SULF2: variants seen among roughly 807,000 people sequenced by gnomAD.
SULF2 encodes sulfatase 2, also known as extracellular sulfatase Sulf-2.
A neutral mutation model predicts 107.7 loss-of-function variants in SULF2; 52 were observed. That is an observed-to-expected ratio of 0.48 (90% confidence interval 0.39 to 0.61). The LOEUF (loss-of-function observed/expected upper bound fraction) is 0.61, where lower values mean the gene tolerates loss of function less well. Ranked by LOEUF, SULF2 falls within the 20% of genes least tolerant of loss-of-function variation. The pLI is 0.00. For synonymous variants in SULF2, 460 were observed against 464.3 expected, an observed-to-expected ratio of 0.99 and a Z score of 0.12; for missense variants, 993 against 1,177.3, an observed-to-expected ratio of 0.84 and a Z score of 2.29.
At chr20:47,705,867 C>T (rs570593376) in intron 3 of SULF2, among the ~76,000 whole-genome samples, 12 of 148,828 alleles carry the variant, frequency 8.1e-5, no homozygotes, top group East Asian at 4.0e-4. Context: ...GGCGTGATGT[C>T]GCCTCACAGC....
intron 1 of SULF2, among the ~76,000 whole-genome samples, chr20:47,777,535 T>C (rs1273611820): frequency 2.0e-5 from 3 of 152,214 alleles, no homozygotes; most frequent in African/African-American, 7.2e-5. Context: ...AACCAGCGCC[T>C]GGACTCCCCT....
intron 5 of SULF2, chr20:47,689,533 C>G (rs1334714954): frequency 6.6e-6 from 1 of 152,276 alleles, no homozygotes; most frequent in Admixed American, 6.5e-5. Context: ...ATTGCAACCT[C>G]AGGAGACCCT....
intron 5 of SULF2, 52 bp from the exon 6 acceptor site, chr20:47,684,633 T>C: frequency 1.3e-6 from 2 of 1,582,976 alleles, no homozygotes; most frequent in Non-Finnish European, 1.7e-6. Flanking sequence ...GCCTGGACCC[T>C]GCCTGGCCCC....
At chr20:47,786,237 G>A (rs1342046870), upstream of SULF2, 1 of 152,228 alleles carries the variant, frequency 6.6e-6, no homozygotes, top group East Asian at 1.9e-4. Context: ...CCATCGATCA[G>A]GTCCACTTGG....
chr20:47,667,074 G>C (rs1413097080), intron 11 of SULF2, among the ~76,000 whole-genome samples: 1 of 152,194 alleles, frequency 6.6e-6, no homozygotes, highest in Non-Finnish European at 1.5e-5. Context: ...GCAACACTGT[G>C]AACCTATTAA....
intron 3 of SULF2, among the ~76,000 whole-genome samples, chr20:47,707,815 G>A (rs1408028869): frequency 2.0e-5 from 3 of 152,146 alleles, no homozygotes; most frequent in Admixed American, 6.5e-5. Context: ...TATTACCTGC[G>A]TTTTTGTTAC....
At chr20:47,773,101 G>C (rs2090662389) in intron 1 of SULF2, among the ~76,000 whole-genome samples, 1 of 152,186 alleles carries the variant, frequency 6.6e-6, no homozygotes, top group Non-Finnish European at 1.5e-5. Flanking sequence ...AGCCCCGCTG[G>C]AGCTTGGCCT....
At chr20:47,773,952 ATC>A (rs1341820668) in intron 1 of SULF2, among the ~76,000 whole-genome samples, 2 of 152,238 alleles carry the variant, frequency 1.3e-5, no homozygotes, top group Non-Finnish European at 2.9e-5. Flanking sequence ...GGTATTAATA[ATC>A]CAATTACTTC....
intron 3 of SULF2, among the ~76,000 whole-genome samples, chr20:47,724,181 TAGG>T (rs751486944): frequency 2.0e-5 from 3 of 152,104 alleles, no homozygotes; most frequent in Non-Finnish European, 4.4e-5. Context: ...TGGGCAGCCG[TAGG>T]AGGTTTTCAG....
At chr20:47,737,961 CT>C (rs1232527282) in intron 2 of SULF2, among the ~76,000 whole-genome samples, 3 of 152,030 alleles carry the variant, frequency 2.0e-5, no homozygotes, top group African/African-American at 2.4e-5. Context: ...CCAGGCTGGT[CT>C]GGAATTTCTG....
At chr20:47,718,876 A>C (rs1159938913) in intron 3 of SULF2, among the ~76,000 whole-genome samples, 1 of 152,206 alleles carries the variant, frequency 6.6e-6, no homozygotes, top group Non-Finnish European at 1.5e-5. Flanking sequence ...GGAATTACAA[A>C]CTGAGGAGCT....
In SULF2 at chr20:47,662,994, C is replaced by T. The variant is rs764187081; in HGVS notation, c.2370+76G>A. On this transcript the variant is annotated intron_variant, in intron 17 of 20. Transcript: ENST00000688720. ...ACTTGGACAATTTGTCATCACTTCC[C>T]TGAGGTTGGGGGGGGCCTACCTGGC... The T allele has an allele frequency of 6.0e-4, 935 of 1,569,780 alleles. 1 individual carries two copies. The highest frequency in any genetic ancestry group is 7.6e-4 in the Non-Finnish European group (868 of 1,145,602).
intron 3 of SULF2, among the ~76,000 whole-genome samples, chr20:47,709,753 T>G (rs2088863546): frequency 6.8e-6 from 1 of 146,176 alleles, no homozygotes. Context: ...GAGGGAAGAG[T>G]CTGTGTGTGT....
chr20:47,659,310 T>G, intron 20 of SULF2, 89 bp downstream of exon 20: 1 of 1,146,380 alleles, frequency 8.7e-7, no homozygotes, highest in Non-Finnish European at 1.3e-6. Context: ...AAGGGTGGTA[T>G]GTAAGAAATG....
chr20:47,747,486 G>A (rs1428894899), intron 2 of SULF2, among the ~76,000 whole-genome samples: 1 of 152,132 alleles, frequency 6.6e-6, no homozygotes, highest in Non-Finnish European at 1.5e-5. Flanking sequence ...GGAAAGGGCA[G>A]GGCTTGGGTG....
At chr20:47,741,402 C>G (rs530043786) in intron 2 of SULF2, among the ~76,000 whole-genome samples, 1 of 152,154 alleles carries the variant, frequency 6.6e-6, no homozygotes, top group Non-Finnish European at 1.5e-5. Flanking sequence ...GCCCTCACCC[C>G]CTTCTTGTCT....
chr20:47,671,210 C>A (rs550599587), intron 11 of SULF2, among the ~76,000 whole-genome samples: 1 of 152,362 alleles, frequency 6.6e-6, no homozygotes, highest in African/African-American at 2.4e-5. Flanking sequence ...TCTCCTCGGC[C>A]CTTGCCGAGA....
At chr20:47,667,371 C>T (rs1047753521) in intron 11 of SULF2, among the ~76,000 whole-genome samples, 9 of 152,202 alleles carry the variant, frequency 5.9e-5, no homozygotes, top group East Asian at 5.8e-4. Context: ...TACGCCCTGA[C>T]GCTGAAAACT....
intron 3 of SULF2, among the ~76,000 whole-genome samples, chr20:47,706,347 G>A (rs997904944): frequency 2.0e-5 from 3 of 152,058 alleles, no homozygotes; most frequent in African/African-American, 7.2e-5. Context: ...CCTCCGAGGG[G>A]GACAATATAC....
Sources: allele counts gnomAD v4.1 joint callset (sites outside exome capture counted in the v4.1 genomes callset), GRCh38; gene constraint gnomAD v4.1.1; transcripts MANE v1.5; gene names NCBI Gene and HGNC (gene_info 2026-07-23, HGNC 2026-07-21).